Variants in GFRA1 observed in about 807,000 individuals in gnomAD.
The protein encoded by GFRA1 is GDNF family receptor alpha 1, also known as GDNF family receptor alpha-1.
In GFRA1, 16 loss-of-function variants were observed where a neutral mutation model predicts 51.6. That is an observed-to-expected ratio of 0.31 (90% CI 0.21 to 0.47). GFRA1 has a LOEUF of 0.47. Among genes scored for constraint, GFRA1 ranks in the 20% least tolerant of loss-of-function variants. The pLI is 1.00. For synonymous variants in GFRA1, 270 were observed against 241.3 expected, an observed-to-expected ratio of 1.12 and a Z score of -1.10; for missense variants, 530 against 594.3, an observed-to-expected ratio of 0.89 and a Z score of 1.13.
intron 5 of GFRA1, among the ~76,000 whole-genome samples, chr10:116,166,780 C>CTTCTTTTTTTTTT (rs1267031089): frequency 1.3e-5 from 1 of 76,384 alleles, no homozygotes; most frequent in African/African-American, 5.9e-5. Context: ...CAACAATCTT[C>CTTCTTTTTTTTTT]TTTTTTTTTT....
chr10:116,094,280 A>G (rs760009099), intron 7 of GFRA1, among the ~76,000 whole-genome samples: 16 of 152,216 alleles, frequency 1.1e-4, no homozygotes, highest in Non-Finnish European at 2.2e-4. Flanking sequence ...TTAGAGTGAC[A>G]TAGGGAAGCT....
chr10:116,256,751 G>A (rs910222912), intron 4 of GFRA1, among the ~76,000 whole-genome samples: 5 of 152,354 alleles, frequency 3.3e-5, no homozygotes, highest in Middle Eastern at 3.4e-3. Context: ...ACAGAAAACA[G>A]CTAGGCAAGG....
At chr10:116,255,229 T>C (rs1174960830) in intron 4 of GFRA1, among the ~76,000 whole-genome samples, 1 of 152,242 alleles carries the variant, frequency 6.6e-6, no homozygotes, top group Non-Finnish European at 1.5e-5. Flanking sequence ...AACATAATTT[T>C]ATGTGAAGCT....
intron 6 of GFRA1, among the ~76,000 whole-genome samples, chr10:116,097,208 G>A (rs1457846539): frequency 3.9e-5 from 6 of 152,174 alleles, no homozygotes; most frequent in African/African-American, 1.4e-4. Context: ...GGATCCTACA[G>A]CCCATCTGCT....
chr10:116,175,164 TC>T (rs1371177093), intron 5 of GFRA1, among the ~76,000 whole-genome samples: 17 of 152,280 alleles, frequency 1.1e-4, no homozygotes, highest in African/African-American at 3.9e-4. Context: ...AAGGATGCAG[TC>T]AGGCCCCAAG....
intron 5 of GFRA1, among the ~76,000 whole-genome samples, chr10:116,205,253 C>T (rs1964639575): frequency 6.6e-6 from 1 of 152,008 alleles, no homozygotes; most frequent in African/African-American, 2.4e-5. Flanking sequence ...CAGGGGCACA[C>T]AAATACTAGC....
At chr10:116,145,444 ATTATT>A (rs1188131898) in intron 5 of GFRA1, among the ~76,000 whole-genome samples, 1 of 394 alleles carries the variant, frequency 2.5e-3, no homozygotes, top group African/African-American at 3.9e-3. Context: ...AGGGAACTTA[ATTATT>A]AAGGAAAAAC....
In GFRA1 at chr10:116,125,278, C is replaced by T; in HGVS notation, c.713G>A (p.Arg238Lys). The change falls in exon 6 of 11, where the codon AGG becomes AAG. Residue 238 changes from arginine to lysine, a missense_variant. Physicochemically the swap from Arg to Lys is conservative, Grantham distance 26 (BLOSUM62 2). Transcript: ENST00000355422. ...CAAATTCAAACAGTTGGGCTTCTCC[C>T]TCTCTTCATAGGAGCACACAGGCAC... ...TIVPVCSYEE[R>K]EKPNCLNLQD... The T allele has an allele frequency of 6.2e-7, 1 of 1,614,218 alleles. No homozygotes were observed. Among genetic ancestry groups the T allele is most frequent in the Non-Finnish European group, 8.5e-7 (1 of 1,180,038 alleles).
intron 5 of GFRA1, among the ~76,000 whole-genome samples, chr10:116,131,663 C>G (rs1468510791): frequency 6.6e-6 from 1 of 151,992 alleles, no homozygotes; most frequent in Non-Finnish European, 1.5e-5. Flanking sequence ...GAAGTACGCA[C>G]AGTATGATTA....
chr10:116,069,773 G>T (rs943105206), intron 9 of GFRA1, among the ~76,000 whole-genome samples: 1 of 152,162 alleles, frequency 6.6e-6, no homozygotes, highest in Admixed American at 6.5e-5. Flanking sequence ...TGTGCAGAAC[G>T]CAGAGATGCA....
At chr10:116,164,020 A>G (rs1960116850) in intron 5 of GFRA1, among the ~76,000 whole-genome samples, 1 of 151,658 alleles carries the variant, frequency 6.6e-6, no homozygotes, top group Non-Finnish European at 1.5e-5. Flanking sequence ...CACCATTCCC[A>G]CTCCCGAAGA....
At chr10:116,149,066 G>C (rs557849126) in intron 5 of GFRA1, among the ~76,000 whole-genome samples, 1 of 152,082 alleles carries the variant, frequency 6.6e-6, no homozygotes, top group Non-Finnish European at 1.5e-5. Context: ...TGAGCAGTAA[G>C]TTCTCTGGAT....
intron 5 of GFRA1, among the ~76,000 whole-genome samples, chr10:116,130,071 ACGAT>A (rs949558991): frequency 3.4e-5 from 5 of 149,246 alleles, no homozygotes; most frequent in African/African-American, 1.0e-4. Flanking sequence ...TATTTACAGC[ACGAT>A]CAATGAATAA....
At chr10:116,079,548 C>T (rs1023620414) in intron 9 of GFRA1, among the ~76,000 whole-genome samples, 1 of 152,060 alleles carries the variant, frequency 6.6e-6, no homozygotes, top group Non-Finnish European at 1.5e-5. Context: ...CAAGCAGGTG[C>T]GCTTCTGCCC....
intron 5 of GFRA1, among the ~76,000 whole-genome samples, chr10:116,187,551 C>T (rs996546267): frequency 1.3e-5 from 2 of 152,052 alleles, no homozygotes; most frequent in Non-Finnish European, 2.9e-5. Context: ...TTAGTGGCAC[C>T]GATAATCCAA....
At chr10:116,241,369 A>T (rs950124789) in intron 4 of GFRA1, among the ~76,000 whole-genome samples, 3 of 152,170 alleles carry the variant, frequency 2.0e-5, no homozygotes, top group African/African-American at 7.2e-5. Flanking sequence ...AATCTGTCAA[A>T]ACAAATCTCA....
chr10:116,171,416 T>A (rs1961010775), intron 5 of GFRA1, among the ~76,000 whole-genome samples: 1 of 152,216 alleles, frequency 6.6e-6, no homozygotes, highest in South Asian at 2.1e-4. Flanking sequence ...ACTATAATTT[T>A]AATTAACCTT....
chr10:116,198,970 A>C (rs1057420382), intron 5 of GFRA1, among the ~76,000 whole-genome samples: 7 of 152,190 alleles, frequency 4.6e-5, no homozygotes, highest in African/African-American at 1.7e-4. Flanking sequence ...AGACATACAG[A>C]GACAAAGACC....
At chr10:116,200,115 G>A (rs1964211239) in intron 5 of GFRA1, among the ~76,000 whole-genome samples, 1 of 152,156 alleles carries the variant, frequency 6.6e-6, no homozygotes. Flanking sequence ...TTCTCCTACT[G>A]ATGGACACCT....
Sources: allele counts gnomAD v4.1 joint callset (sites outside exome capture counted in the v4.1 genomes callset), GRCh38; gene constraint gnomAD v4.1.1; transcripts MANE v1.5; gene names NCBI Gene and HGNC (gene_info 2026-07-23, HGNC 2026-07-21).